Variants in MARCHF3 observed in about 807,000 individuals in gnomAD.
MARCHF3 encodes the protein E3 ubiquitin-protein ligase MARCHF3.
Under a neutral mutation model 24.2 loss-of-function variants are expected in MARCHF3, and 13 were observed. The ratio of observed to expected loss-of-function variants is 0.54; its 90% CI spans 0.35 to 0.85. MARCHF3 has a LOEUF of 0.85. MARCHF3 is among the 40% of genes least tolerant of loss of function. MARCHF3 has a pLI of 0.01. For missense variants in MARCHF3, 276 were observed against 325.0 expected (o/e 0.85, Z 1.16); for synonymous variants, 144 against 137.3 (o/e 1.05, Z -0.34).
chr5:126,887,497 T>A (rs1220248681), intron 3 of MARCHF3, among the ~76,000 whole-genome samples: 1 of 152,210 alleles, frequency 6.6e-6, no homozygotes, highest in African/African-American at 2.4e-5. Flanking sequence ...ATATTACAAG[T>A]GTGTCTTTTA....
rs60640113 is a variant in MARCHF3 at position 126,956,645 on chromosome 5, C to CAA, written c.-56-38420_-56-38419dup. The stretch of plus-strand genomic sequence containing the variant: ...GGGCAACAGAGTGAGGCTCTGTCTC[C>CAA]AAAAAAAAAAAAAAAAAAAAAAAAA... On this transcript the variant is annotated intron_variant, in intron 1 of 4. Coordinates refer to ENST00000308660, the MANE Select transcript of MARCHF3 (RefSeq NM_178450.5). Among the ~76,000 whole-genome samples the CAA allele has an allele frequency of 3.6e-3, 74 of 20,576 alleles. 2 individuals are homozygous for CAA. The highest frequency in any genetic ancestry group is 8.6e-3 in the Non-Finnish European group (56 of 6,544). The allele number at this position is 20,576 out of a possible 152,430, so 13.5% of individuals were successfully genotyped here.
intron 1 of MARCHF3, among the ~76,000 whole-genome samples, chr5:127,019,017 A>G (rs945920176): frequency 6.6e-6 from 1 of 152,264 alleles, no homozygotes; most frequent in African/African-American, 2.4e-5. Flanking sequence ...CTGCAAAATA[A>G]TATGCCAGAA....
intron 1 of MARCHF3, among the ~76,000 whole-genome samples, chr5:126,938,747 G>A (rs1375072317): frequency 1.3e-5 from 2 of 152,108 alleles, no homozygotes; most frequent in Non-Finnish European, 2.9e-5. Context: ...GGAAACTTCT[G>A]GGAGCTGTGC....
At chr5:126,909,257 T>C (rs2126788458) in intron 3 of MARCHF3, among the ~76,000 whole-genome samples, 1 of 152,338 alleles carries the variant, frequency 6.6e-6, no homozygotes, top group South Asian at 2.1e-4. Context: ...TCTGCAGAGG[T>C]TACTGCTGTC....
intron 1 of MARCHF3, among the ~76,000 whole-genome samples, chr5:127,024,452 C>A (rs1228986869): frequency 6.6e-6 from 1 of 152,152 alleles, no homozygotes; most frequent in African/African-American, 2.4e-5. Flanking sequence ...GAGAATACAG[C>A]AGATAAGGGT....
Position 126,936,526 on chromosome 5 carries a change from G to A in MARCHF3, c.-56-18299C>T, listed in dbSNP as rs1227418047. 2.0e-5 allele frequency among the ~76,000 whole-genome samples: 3 copies of A among 152,198 alleles called. No homozygotes were observed. In the East Asian group the frequency reaches 5.8e-4, roughly 29 times the overall value. ...TAAATATTTATGTTTGTAATTTCAAGTATAATTCAGAGAGAGAAAGATGGT... is the reference window on the plus strand; with the variant it reads ...TAAATATTTATGTTTGTAATTTCAAATATAATTCAGAGAGAGAAAGATGGT... On this transcript the variant is annotated intron_variant, in intron 1 of 4. Transcript: ENST00000308660.
intron 3 of MARCHF3, among the ~76,000 whole-genome samples, chr5:126,883,781 C>T (rs527552887): frequency 6.6e-6 from 1 of 152,264 alleles, no homozygotes; most frequent in South Asian, 2.1e-4. Context: ...AGCTTAAATC[C>T]CCAAGGTAGA....
At chr5:126,913,144 C>T (rs1038842235) in intron 3 of MARCHF3, among the ~76,000 whole-genome samples, 3 of 152,214 alleles carry the variant, frequency 2.0e-5, no homozygotes, top group Non-Finnish European at 2.9e-5. Context: ...ACATGGATTT[C>T]GTCTGAGAAA....
intron 1 of MARCHF3, among the ~76,000 whole-genome samples, chr5:127,018,331 AGTGCACT>A (rs1195935413): frequency 6.6e-6 from 1 of 152,192 alleles, no homozygotes; most frequent in African/African-American, 2.4e-5. Flanking sequence ...AGATCATGAC[AGTGCACT>A]CCAGCCTGGG....
chr5:126,882,283 T>C (rs953440188), intron 3 of MARCHF3, among the ~76,000 whole-genome samples: 1 of 152,240 alleles, frequency 6.6e-6, no homozygotes, highest in African/African-American at 2.4e-5. Flanking sequence ...CACATTTAAG[T>C]CCTGCCGTTT....
chr5:126,992,684 A>G (rs1244424515), intron 1 of MARCHF3, among the ~76,000 whole-genome samples: 1 of 151,542 alleles, frequency 6.6e-6, no homozygotes. Flanking sequence ...TACGATTACC[A>G]TAGAACTCTG....
At chr5:126,898,568 A>G (rs762275767) in intron 3 of MARCHF3, among the ~76,000 whole-genome samples, 4 of 152,130 alleles carry the variant, frequency 2.6e-5, no homozygotes, top group Non-Finnish European at 5.9e-5. Flanking sequence ...TAATGCAAAG[A>G]GCAAGCCTTT....
At chr5:126,909,793 C>G (rs1473199775) in intron 3 of MARCHF3, among the ~76,000 whole-genome samples, 5 of 152,156 alleles carry the variant, frequency 3.3e-5, no homozygotes, top group Non-Finnish European at 5.9e-5. Flanking sequence ...ACGCTGGGAG[C>G]TGTAGACCGG....
chr5:126,878,171 C>A lies in MARCHF3; in HGVS notation c.603+14G>T, dbSNP rs143453783. The A allele has an allele frequency of 4.2e-3, 6,769 of 1,612,606 alleles. 36 individuals carry two copies. The highest frequency in any genetic ancestry group is 3.6e-3 in the Middle Eastern group (22 of 6,050). Reference sequence around the variant, plus strand: ...CTCCAAATGGCCTGAACCCCAGCCACGGCCCATACTTACTAGTGTCCAAAA... The same window carrying A: ...CTCCAAATGGCCTGAACCCCAGCCAAGGCCCATACTTACTAGTGTCCAAAA... On this transcript the variant is annotated intron_variant, in intron 4 of 4. Transcript: ENST00000308660.
chr5:126,870,797 G>A lies in MARCHF3; in HGVS notation c.604-6C>T, dbSNP rs1225421122. The A allele has an allele frequency of 6.2e-7, 1 of 1,613,572 alleles. No individual in the cohort carries two copies. On this transcript the variant is annotated splice_polypyrimidine_tract_variant and splice_region_variant and intron_variant, in intron 4 of 4. Coordinates refer to ENST00000308660, the MANE Select transcript of MARCHF3 (RefSeq NM_178450.5). ...CAGTGGTACCTAAATGACACCTGGG[G>A]ATGGGAGAGGAAAAGTAAGAGAAAA...
chr5:126,871,367 T>C (rs954028295), intron 4 of MARCHF3, among the ~76,000 whole-genome samples: 42 of 152,308 alleles, frequency 2.8e-4, no homozygotes, highest in African/African-American at 9.4e-4. Flanking sequence ...CAGCATTCTA[T>C]AGCTTCCAAT....
intron 1 of MARCHF3, among the ~76,000 whole-genome samples, chr5:126,945,541 C>T (rs1022416574): frequency 6.6e-6 from 1 of 152,192 alleles, no homozygotes; most frequent in Admixed American, 6.5e-5. Flanking sequence ...GCAAACTCCC[C>T]AGTGTTACAG....
At chr5:126,946,761 GGTGTGTGT>G (rs58269583) in intron 1 of MARCHF3, among the ~76,000 whole-genome samples, 34 of 136,046 alleles carry the variant, frequency 2.5e-4, no homozygotes, top group South Asian at 9.7e-4. Context: ...TGTAAGTAGG[GGTGTGTGT>G]GTGTGTGTGT....
intron 1 of MARCHF3, among the ~76,000 whole-genome samples, chr5:126,980,397 A>T (rs1337275465): frequency 6.7e-6 from 1 of 148,198 alleles, no homozygotes; most frequent in Non-Finnish European, 1.5e-5. Context: ...TTTGAGATGG[A>T]GTCTCACTCT....
Sources: gnomAD v4.1 joint callset for allele counts (sites outside exome capture counted in the v4.1 genomes callset) on GRCh38, gnomAD v4.1.1 for gene constraint, MANE v1.5 for transcripts, NCBI Gene and HGNC (gene_info 2026-07-23, HGNC 2026-07-21) for gene names.